ZBTB10: variants seen among roughly 807,000 people sequenced by gnomAD.
ZBTB10 encodes zinc finger and BTB domain containing 10.
Under a neutral mutation model 76.4 loss-of-function variants are expected in ZBTB10, and 32 were observed. The observed-to-expected ratio is 0.42, with a 90% CI of 0.32 to 0.56. The LOEUF is 0.56. Among genes scored for constraint, ZBTB10 ranks in the 20% least tolerant of loss-of-function variants. ZBTB10 has a pLI of 0.14. For synonymous variants in ZBTB10, 523 were observed against 432.9 expected, an observed-to-expected ratio of 1.21 and a Z score of -2.58; for missense variants, 1,057 against 1,098.5, an observed-to-expected ratio of 0.96 and a Z score of 0.53.
At chr8:80,492,391 C>G (rs923749618) in intron 1 of ZBTB10, among the ~76,000 whole-genome samples, 1 of 152,050 alleles carries the variant, frequency 6.6e-6, no homozygotes, top group African/African-American at 2.4e-5. Context: ...TCTCTGCCCT[C>G]AAGGAACTTG....
chr8:80,485,794 T>G (rs1245168299), upstream of ZBTB10: 3 of 1,535,188 alleles, frequency 2.0e-6, no homozygotes, highest in Admixed American at 5.9e-5. Context: ...ATGACAAGGC[T>G]GGAGCGCAGC....
rs1815448475 is a variant in ZBTB10, at chr8:80,486,351, G to A, written c.-460G>A. ...TCTCACCCTCAGCGCCTGCGAAGCC[G>A]GCGGCGGCGTCGGGACTCCTCGGCG... On this transcript the variant is annotated 5_prime_UTR_variant, in exon 1 of 6. Transcript: ENST00000455036. 1 of 990,286 alleles carries A rather than the reference G, an allele frequency of 1.0e-6. No individual in the cohort carries two copies. The highest frequency in any genetic ancestry group is 1.7e-5 in the African/African-American group (1 of 57,342). 61.3% of individuals were successfully genotyped at this position (990,286 alleles called of 1,614,324 possible).
upstream of ZBTB10, chr8:80,485,826 A>G: frequency 3.9e-6 from 6 of 1,535,936 alleles, no homozygotes; most frequent in Non-Finnish European, 5.2e-6. Context: ...AGTTATTTGC[A>G]AAGTCCCAGG....
At chr8:80,506,445 G>T (rs1397372171) in intron 2 of ZBTB10, among the ~76,000 whole-genome samples, 4 of 151,954 alleles carry the variant, frequency 2.6e-5, no homozygotes, top group Non-Finnish European at 5.9e-5. Flanking sequence ...CTCCCGAGTA[G>T]CTGGGATTAC....
rs2131526224 is a variant in ZBTB10, at chr8:80,523,584, G to A, written c.*4056G>A. On this transcript the variant is annotated 3_prime_UTR_variant, in exon 6 of 6. Transcript: ENST00000455036. ...ATAATATCCACACTTAGAACTAACA[G>A]GTGTTTAGTCACTTTAGGACTTAAA... 2 of 151,158 alleles carry A rather than the reference G, an allele frequency of 1.3e-5. No homozygotes were observed. The highest frequency in any genetic ancestry group is 4.2e-4 in the South Asian group (2 of 4,816). 9.4% of individuals were successfully genotyped at this position (151,158 alleles called of 1,614,324 possible). A position where few individuals can be genotyped will look rare whatever the true frequency, so the allele number is the denominator to read the frequency against.
chr8:80,523,781 T>A lies in ZBTB10; in HGVS notation c.*4253T>A, dbSNP rs995106998. 2.0e-5 allele frequency: 3 copies of A among 151,950 alleles called. No individual in the cohort carries two copies. The highest frequency in any genetic ancestry group is 7.2e-5 in the African/African-American group (3 of 41,424). 9.4% of individuals were successfully genotyped at this position (151,950 alleles called of 1,614,324 possible). A position where few individuals can be genotyped will look rare whatever the true frequency, so the allele number is the denominator to read the frequency against. On this transcript the variant is annotated 3_prime_UTR_variant, in exon 6 of 6. Transcript: ENST00000455036. The stretch of plus-strand genomic sequence containing the variant: ...GGAGTACACTAGCTATTGAGAACAA[T>A]ATTTTGGGTTGAGGAGAGATGGTTG...
intron 1 of ZBTB10, among the ~76,000 whole-genome samples, chr8:80,495,382 G>GT (rs1048551159): frequency 1.3e-5 from 2 of 149,202 alleles, no homozygotes; most frequent in Non-Finnish European, 3.0e-5. Context: ...ACCATCTTAT[G>GT]TTTTTTTAAA....
At position 80,499,774 on chromosome 8, in the gene ZBTB10, C is replaced by T; in HGVS notation, c.1253C>T (p.Ser418Leu). The change falls in exon 2 of 6, where the codon TCA (serine) becomes TTA (leucine). Residue 418 changes from serine to leucine, a missense_variant. Ser to Leu is a moderately radical substitution (Grantham distance 145). This residue lies in a region of ZBTB10 where 86 missense variants were observed against 145.7 expected (regional missense o/e 0.59). Transcript: ENST00000455036. ...GATATTGCTGCAGTTCAAGGTTTTTCAGTCATCTTGGACTTCTTGTATTCT... is the reference window on the plus strand; with the variant it reads ...GATATTGCTGCAGTTCAAGGTTTTTTAGTCATCTTGGACTTCTTGTATTCT... ...HLDIAAVQGF[S>L]VILDFLYSGN... The T allele has an allele frequency of 6.2e-7, 1 of 1,613,972 alleles. No individual in the cohort carries two copies. The highest frequency in any genetic ancestry group is 8.5e-7 in the Non-Finnish European group (1 of 1,179,884).
intron 1 of ZBTB10, among the ~76,000 whole-genome samples, chr8:80,497,683 CTTTTTTTTTTT>C (rs397891910): frequency 2.3e-5 from 2 of 87,648 alleles, no homozygotes; most frequent in Non-Finnish European, 4.2e-5. Context: ...GTCCTGGAAT[CTTTTTTTTTTT>C]TTTTTTTTTT....
chr8:80,500,013 A>C lies in ZBTB10; in HGVS notation c.1492A>C (p.Ile498Leu). Reference protein sequence around the residue: ...DGLSSSRDQKIASFWATRNLT... With the variant: ...DGLSSSRDQKLASFWATRNLT... ...TCTGTCTTCATCACGGGATCAAAAA[A>C]TTGCCAGTTTTTGGGCAACACGGAA... Residue 498 changes from isoleucine to leucine, a missense_variant, in exon 2 of 6, where the codon ATT becomes CTT. Around this residue, in one of 5 missense-constraint regions of ZBTB10, gnomAD observed 306 missense variants for 297.5 expected, o/e 1.03. Coordinates refer to ENST00000455036, the MANE Select transcript of ZBTB10 (RefSeq NM_001105539.3). 1 of 1,614,026 alleles carries C rather than the reference A, an allele frequency of 6.2e-7. No individual in the cohort carries two copies. The highest frequency in any genetic ancestry group is 8.5e-7 in the Non-Finnish European group (1 of 1,179,890).
At chr8:80,504,223 T>G (rs980299701) in intron 2 of ZBTB10, among the ~76,000 whole-genome samples, 2 of 152,230 alleles carry the variant, frequency 1.3e-5, no homozygotes, top group African/African-American at 4.8e-5. Flanking sequence ...AGAAAACAGT[T>G]GTCCATGAAA....
At chr8:80,506,972 T>A (rs181875034) in intron 2 of ZBTB10, among the ~76,000 whole-genome samples, 457 of 152,248 alleles carry the variant, frequency 3.0e-3, no homozygotes, top group Non-Finnish European at 4.7e-3. Flanking sequence ...GAAGGCCAGA[T>A]GCTTACTTAT....
rs551105005 is a variant in ZBTB10, at chr8:80,525,210, G to A, written c.*5682G>A. 6.6e-6 allele frequency: 1 copy of A among 152,188 alleles called. No individual in the cohort carries two copies. The highest frequency in any genetic ancestry group is 2.4e-5 in the African/African-American group (1 of 41,540). 9.4% of individuals were successfully genotyped at this position (152,188 alleles called of 1,614,324 possible). A position where few individuals can be genotyped will look rare whatever the true frequency, so the allele number is the denominator to read the frequency against. ...ATTGAATTATTGGATCTATGTTTAG[G>A]TAAGAAAACTAAAGGTACTTCAGAA... On this transcript the variant is annotated 3_prime_UTR_variant, in exon 6 of 6. Coordinates refer to ENST00000455036, the MANE Select transcript of ZBTB10 (RefSeq NM_001105539.3).
intron 2 of ZBTB10, among the ~76,000 whole-genome samples, chr8:80,512,514 C>T (rs1816220325): frequency 6.6e-6 from 1 of 152,150 alleles, no homozygotes; most frequent in Non-Finnish European, 1.5e-5. Context: ...CATTCAAGGC[C>T]AGCCTGGGCA....
chr8:80,513,955 T>G lies in ZBTB10; in HGVS notation c.1907T>G (p.Val636Gly), dbSNP rs1433845979. 1.5e-5 allele frequency: 24 copies of G among 1,613,594 alleles called. No individual in the cohort carries two copies. Among genetic ancestry groups the G allele is most frequent in the Non-Finnish European group, 1.9e-5 (23 of 1,179,722 alleles). Reference sequence around the variant, plus strand: ...TCGGGGCCAGATGGTGATAGGAATGTGAATGCAAATTTATTGGCTGAAGCT... The same window carrying G: ...TCGGGGCCAGATGGTGATAGGAATGGGAATGCAAATTTATTGGCTGAAGCT... ...LLSGPDGDRN[V>G]NANLLAEAGT... The change falls in exon 3 of 6, where the codon GTG becomes GGG. Residue 636 changes from valine (V) to glycine (G), a missense_variant. By Grantham distance (109) the Val-to-Gly change is moderately radical (BLOSUM62 -3). Coordinates refer to ENST00000455036, the MANE Select transcript of ZBTB10 (RefSeq NM_001105539.3).
rs1336677967 is a variant in ZBTB10, at chr8:80,521,440, T to C, written c.*1912T>C. 1 of 151,802 alleles carries C rather than the reference T, an allele frequency of 6.6e-6. No individual in the cohort carries two copies. Among genetic ancestry groups the C allele is most frequent in the Non-Finnish European group, 1.5e-5 (1 of 67,756 alleles). The allele number at this position is 151,802 out of a possible 1,614,324, so 9.4% of individuals were successfully genotyped here. On this transcript the variant is annotated 3_prime_UTR_variant, in exon 6 of 6. Coordinates refer to ENST00000455036, the MANE Select transcript of ZBTB10 (RefSeq NM_001105539.3). ...AATGTTCTTTGTGAATATGTAAGTATAGTATAAAGATTTCTTTCATCCCAT... is the reference window on the plus strand; with the variant it reads ...AATGTTCTTTGTGAATATGTAAGTACAGTATAAAGATTTCTTTCATCCCAT...
chr8:80,488,043 A>T (rs2131467989), intron 1 of ZBTB10, among the ~76,000 whole-genome samples: 1 of 110,920 alleles, frequency 9.0e-6, no homozygotes, highest in Middle Eastern at 4.8e-3. Context: ...CTTTTTTATG[A>T]CTCATTTCTT....
rs1297072719 is a variant in ZBTB10, at chr8:80,487,048, TCCGCCGGGCCGGCCGCCGGCG to T, written c.245_265del (p.Gly82_Ala88del). On this transcript the variant is annotated inframe_deletion, in exon 1 of 6. Coordinates refer to ENST00000455036, the MANE Select transcript of ZBTB10 (RefSeq NM_001105539.3). ...CCTGGAGCCCCAAGACCTGGAGGCC[TCCGCCGGGCCGGCCGCCGGCG>T]CCGCCGAGGAAGCCAAGGAGTTGCT... The T allele has an allele frequency of 4.6e-6, 7 of 1,517,304 alleles. No individual in the cohort carries two copies. Among genetic ancestry groups the T allele is most frequent in the Non-Finnish European group, 1.8e-6 (2 of 1,139,420 alleles). 94.0% of individuals were successfully genotyped at this position (1,517,304 alleles called of 1,614,324 possible). A position where few individuals can be genotyped will look rare whatever the true frequency, so the allele number is the denominator to read the frequency against.
chr8:80,496,369 CT>C (rs537668345), intron 1 of ZBTB10, among the ~76,000 whole-genome samples: 18,111 of 127,092 alleles, frequency 0.14, 981 homozygotes, highest in Middle Eastern at 0.21. Context: ...TATGTGGTTT[CT>C]TTTTTTTTTT....
Sources: allele counts gnomAD v4.1 joint callset (sites outside exome capture counted in the v4.1 genomes callset), GRCh38; gene constraint gnomAD v4.1.1; regional missense constraint gnomAD v4.1.1; transcripts MANE v1.5; gene names NCBI Gene and HGNC (gene_info 2026-07-23, HGNC 2026-07-21).